Variants in CELF2 observed in about 807,000 individuals in gnomAD.
The protein encoded by CELF2 is CUGBP Elav-like family member 2.
CELF2 carries 8 observed loss-of-function variants against 62.6 expected under a neutral mutation model. The ratio of observed to expected loss-of-function variants is 0.13; its 90% CI spans 0.07 to 0.23. The LOEUF (loss-of-function observed/expected upper bound fraction) is 0.23. Ranked by LOEUF, CELF2 falls within the 10% of genes least tolerant of loss-of-function variation. The pLI, the probability that CELF2 is intolerant of heterozygous loss-of-function variation, is 1.00. For synonymous variants in CELF2, 258 were observed against 250.0 expected (o/e 1.03, Z -0.30); for missense variants, 333 against 671.0 (o/e 0.50, Z 5.56).
At chr10:10,544,862 A>C in the CELF2 span, among the ~76,000 whole-genome samples, 2 of 152,210 alleles carry the variant, frequency 1.3e-5, no homozygotes, top group Non-Finnish European at 2.9e-5. Flanking sequence ...GCACATGTAA[A>C]ATCACTCCCG....
the CELF2 span, among the ~76,000 whole-genome samples, chr10:10,549,186 A>G: frequency 1.3e-5 from 2 of 152,212 alleles, no homozygotes; most frequent in Non-Finnish European, 2.9e-5. Context: ...ATAACAAAAT[A>G]CCATAGGCTG....
intron 1 of CELF2, among the ~76,000 whole-genome samples, chr10:10,808,447 A>G (rs969484640): frequency 7.9e-5 from 12 of 152,156 alleles, no homozygotes; most frequent in African/African-American, 2.9e-4. Flanking sequence ...GAGATTTTTC[A>G]AAGGCCCTTG....
upstream of CELF2, among the ~76,000 whole-genome samples, chr10:11,004,716 C>T (rs147802396): frequency 4.6e-5 from 7 of 152,184 alleles, no homozygotes; most frequent in East Asian, 5.8e-4. The surrounding 1 kb of genome is among the most constrained non-coding windows in gnomAD (Gnocchi z 5.0). Flanking sequence ...AATTCTGGTG[C>T]GCACAGAGTT....
intron 1 of CELF2, among the ~76,000 whole-genome samples, chr10:10,894,359 G>A (rs999138736): frequency 6.6e-6 from 1 of 152,202 alleles, no homozygotes; most frequent in Non-Finnish European, 1.5e-5. Context: ...GCACCAACTT[G>A]ATGGATTTAA....
upstream of CELF2, among the ~76,000 whole-genome samples, chr10:11,014,975 G>A (rs2057033808): frequency 6.6e-6 from 1 of 152,222 alleles, no homozygotes; most frequent in Non-Finnish European, 1.5e-5. Context: ...TGGCAACACA[G>A]GGTGGTGTCA....
At chr10:10,572,748 G>A in the CELF2 span, among the ~76,000 whole-genome samples, 11 of 151,980 alleles carry the variant, frequency 7.2e-5, no homozygotes, top group East Asian at 1.9e-3. Flanking sequence ...TTCTTTATCC[G>A]GTCTATCATC....
At chr10:10,600,848 C>T in the CELF2 span, among the ~76,000 whole-genome samples, 1 of 152,170 alleles carries the variant, frequency 6.6e-6, no homozygotes, top group Admixed American at 6.5e-5. Context: ...AAATCTTATT[C>T]AACCCTGTGA....
At chr10:10,471,635 C>A in the CELF2 span, among the ~76,000 whole-genome samples, 53 of 151,634 alleles carry the variant, frequency 3.5e-4, no homozygotes, top group East Asian at 8.9e-3. Flanking sequence ...TAATATTTGT[C>A]ATTTGTATCT....
chr10:10,837,370 G>A (rs1378481477), intron 1 of CELF2, among the ~76,000 whole-genome samples: 1 of 152,108 alleles, frequency 6.6e-6, no homozygotes, highest in African/African-American at 2.4e-5. Flanking sequence ...GCCCTCCCCA[G>A]CCTCGTGGAA....
upstream of CELF2, among the ~76,000 whole-genome samples, chr10:11,004,924 G>T (rs2054932876): frequency 6.6e-6 from 1 of 152,148 alleles, no homozygotes; most frequent in South Asian, 2.1e-4. The surrounding 1 kb of genome is among the most constrained non-coding windows in gnomAD (Gnocchi z 5.0). Context: ...TTACTCATCT[G>T]CGATGCTTGC....
chr10:10,883,331 G>GT (rs1474318595), intron 1 of CELF2, among the ~76,000 whole-genome samples: 2 of 152,124 alleles, frequency 1.3e-5, no homozygotes, highest in African/African-American at 4.8e-5. Flanking sequence ...TAAATTGAGC[G>GT]TTTAAGCAAT....
At chr10:11,249,907 A>C (rs1344886016) in intron 4 of CELF2, among the ~76,000 whole-genome samples, 1 of 152,214 alleles carries the variant, frequency 6.6e-6, no homozygotes, top group East Asian at 1.9e-4. Flanking sequence ...AATGTATGTT[A>C]AAAGAATCTT....
chr10:10,980,644 G>A (rs1325450022), intron 2 of CELF2, among the ~76,000 whole-genome samples: 1 of 152,154 alleles, frequency 6.6e-6, no homozygotes, highest in Non-Finnish European at 1.5e-5. Flanking sequence ...GCATTTCTGA[G>A]GACTCACATG....
the CELF2 span, among the ~76,000 whole-genome samples, chr10:10,658,995 A>C: frequency 3.9e-5 from 6 of 152,186 alleles, no homozygotes; most frequent in South Asian, 2.1e-4. Flanking sequence ...GATCTGCATA[A>C]CTGGGGTGGT....
chr10:10,671,142 G>A, the CELF2 span, among the ~76,000 whole-genome samples: 5 of 148,788 alleles, frequency 3.4e-5, no homozygotes, highest in Admixed American at 2.7e-4. Context: ...CTCCAACCTG[G>A]GTGATACTGT....
In CELF2 at chr10:11,005,550, G is replaced by T. The variant is rs1338473893; in HGVS notation, c.53+110G>T. 7.9e-6 allele frequency: 12 copies of T among 1,510,838 alleles called. No individual in the cohort carries two copies. The East Asian group carries it at 2.3e-4, about 28-fold the overall frequency. 93.6% of individuals were successfully genotyped at this position (1,510,838 alleles called of 1,614,324 possible). On this transcript the variant is annotated intron_variant, in intron 1 of 12. Coordinates refer to the CELF2 transcript ENST00000416382. The surrounding 1 kb of genome is among the most constrained non-coding windows in gnomAD (Gnocchi z 4.3). ...TAGCTTCCTTACCTTAGAAGAGAAG[G>T]GGGGAAAAAGAATCTAAAGAGGAAG...
chr10:11,277,999 T>C (rs2086774616), intron 8 of CELF2, among the ~76,000 whole-genome samples: 1 of 152,244 alleles, frequency 6.6e-6, no homozygotes, highest in East Asian at 1.9e-4. Context: ...ACGAATAATA[T>C]TTTGTTGTGA....
At chr10:10,764,658 C>A in the CELF2 span, among the ~76,000 whole-genome samples, 1 of 152,186 alleles carries the variant, frequency 6.6e-6, no homozygotes, top group Non-Finnish European at 1.5e-5. Flanking sequence ...GTCTCAGAAT[C>A]TTAATTTCCC....
rs1327644944 is a variant in CELF2, at chr10:11,211,809, AGAGAGTGTGTGTGTGTGTGTGTGTGTGT to A, written c.272-5614_272-5587del. 3.1e-5 allele frequency among the ~76,000 whole-genome samples: 4 copies of A among 129,854 alleles called. No individual in the cohort carries two copies. The highest frequency in any genetic ancestry group is 6.3e-5 in the African/African-American group (2 of 31,812). The allele number at this position is 129,854 out of a possible 152,430, so 85.2% of individuals were successfully genotyped here. A position where few individuals can be genotyped will look rare whatever the true frequency, so the allele number is the denominator to read the frequency against. On this transcript the variant is annotated intron_variant, in intron 2 of 12. Transcript: ENST00000633077. The surrounding 1 kb of genome is among the most constrained non-coding windows in gnomAD (Gnocchi z 4.8). Reference sequence around the variant, plus strand: ...ATGTGTGTGAGAGAGAGAGAGAGAGAGAGAGTGTGTGTGTGTGTGTGTGTGTGTGTGTGTGTGTGTGTGTGTAACTACC... The same window carrying A: ...ATGTGTGTGAGAGAGAGAGAGAGAGAGTGTGTGTGTGTGTGTGTAACTACC...
Sources: gnomAD v4.1 joint callset for allele counts (sites outside exome capture counted in the v4.1 genomes callset) on GRCh38, gnomAD v4.1.1 for gene constraint, Gnocchi (gnomAD v3.1) non-coding constraint, MANE v1.5 for transcripts, NCBI Gene and HGNC (gene_info 2026-07-23, HGNC 2026-07-21) for gene names.